Variants in NRXN3 observed in about 807,000 individuals in gnomAD.
NRXN3 encodes the protein neurexin III.
A neutral mutation model predicts 137.6 loss-of-function variants in NRXN3; 32 were observed. The observed-to-expected ratio is 0.23, with a 90% CI of 0.18 to 0.31. The LOEUF is 0.31. Among genes scored for constraint, NRXN3 ranks in the 10% least tolerant of loss-of-function variants. The pLI, the probability that NRXN3 is intolerant of heterozygous loss-of-function variation, is 1.00. For synonymous variants in NRXN3, 798 were observed against 784.5 expected (o/e 1.02, Z -0.29); for missense variants, 1,574 against 2,062.5 (o/e 0.76, Z 4.59).
At chr14:79,780,690 A>G (rs1190115505) in intron 19 of NRXN3, among the ~76,000 whole-genome samples, 4 of 152,228 alleles carry the variant, frequency 2.6e-5, no homozygotes, top group Non-Finnish European at 5.9e-5. Flanking sequence ...TAAAAGATGA[A>G]AAGTTCCATA....
At chr14:78,528,264 G>A (rs1367502650) in intron 4 of NRXN3, among the ~76,000 whole-genome samples, 3 of 152,288 alleles carry the variant, frequency 2.0e-5, no homozygotes, top group East Asian at 3.9e-4. Flanking sequence ...CAAAGGAGGT[G>A]ATTGATTTTC....
intron 10 of NRXN3, among the ~76,000 whole-genome samples, chr14:78,942,715 C>T (rs1377801932): frequency 6.6e-6 from 1 of 152,036 alleles, no homozygotes; most frequent in Non-Finnish European, 1.5e-5. Context: ...CAGAGAGCTG[C>T]AGGATACAAC....
chr14:79,706,082 A>T (rs957080558), intron 19 of NRXN3, among the ~76,000 whole-genome samples: 3 of 152,126 alleles, frequency 2.0e-5, no homozygotes, highest in African/African-American at 7.2e-5. Flanking sequence ...CCACTCCCTC[A>T]TGAGGCTCAC....
intron 6 of NRXN3, among the ~76,000 whole-genome samples, chr14:78,681,794 T>A (rs894632103): frequency 6.6e-6 from 1 of 152,188 alleles, no homozygotes; most frequent in African/African-American, 2.4e-5. Context: ...GAAGCCACTC[T>A]GGGGAAAAGA....
At chr14:79,260,714 T>A (rs1275806279) in intron 15 of NRXN3, among the ~76,000 whole-genome samples, 1 of 152,174 alleles carries the variant, frequency 6.6e-6, no homozygotes, top group Non-Finnish European at 1.5e-5. Context: ...AAGGGTTGTA[T>A]TCTCAATGTT....
intron 4 of NRXN3, among the ~76,000 whole-genome samples, chr14:78,561,864 T>C (rs992139286): frequency 2.3e-4 from 35 of 152,254 alleles, no homozygotes; most frequent in African/African-American, 8.0e-4. Context: ...TGACTCATTA[T>C]AAGCCTCATG....
intron 15 of NRXN3, among the ~76,000 whole-genome samples, chr14:79,157,921 G>GA (rs905076912): frequency 2.6e-5 from 4 of 151,792 alleles, no homozygotes; most frequent in Non-Finnish European, 1.5e-5. Context: ...ATTGCCATTT[G>GA]AAAATTGACT....
chr14:78,907,899 T>G (rs565894067), intron 10 of NRXN3, among the ~76,000 whole-genome samples: 3 of 152,110 alleles, frequency 2.0e-5, no homozygotes, highest in Non-Finnish European at 4.4e-5. Context: ...GGTATTTGGT[T>G]TTCTGTTCCT....
intron 15 of NRXN3, among the ~76,000 whole-genome samples, chr14:79,141,894 T>G (rs1354051369): frequency 6.6e-6 from 1 of 152,214 alleles, no homozygotes; most frequent in Non-Finnish European, 1.5e-5. Context: ...TTAAGTGCAA[T>G]TTTATGAAAA....
At chr14:78,918,754 A>G (rs2099263456) in intron 10 of NRXN3, among the ~76,000 whole-genome samples, 1 of 152,184 alleles carries the variant, frequency 6.6e-6, no homozygotes, top group South Asian at 2.1e-4. Context: ...GTAGGTACAC[A>G]AATATTTACT....
intron 4 of NRXN3, among the ~76,000 whole-genome samples, chr14:78,501,966 G>C (rs1599555532): frequency 6.6e-6 from 1 of 152,240 alleles, no homozygotes; most frequent in East Asian, 1.9e-4. Flanking sequence ...TTCTACTGCA[G>C]ACCCTGGATC....
chr14:78,864,151 G>A (rs2099080408), intron 10 of NRXN3, among the ~76,000 whole-genome samples: 1 of 151,948 alleles, frequency 6.6e-6, no homozygotes, highest in Non-Finnish European at 1.5e-5. Flanking sequence ...CAATGATTAG[G>A]GCAAAAGTTT....
In NRXN3 at chr14:79,426,107, G is replaced by A. The variant is rs1487626148; in HGVS notation, c.3263-41114G>A. On this transcript the variant is annotated intron_variant, in intron 15 of 20. Coordinates refer to ENST00000335750, the MANE Select transcript of NRXN3 (RefSeq NM_001330195.2). ...ACTGGGAACCAATCTCAACCTGGCA[G>A]GAGAGGCATAATTAACCAGTGTCTA... 3.3e-5 allele frequency among the ~76,000 whole-genome samples: 5 copies of A among 152,118 alleles called. No homozygotes were observed. In the East Asian group the frequency reaches 9.6e-4, roughly 29 times the overall value.
chr14:79,367,243 A>G (rs954501855), intron 15 of NRXN3, among the ~76,000 whole-genome samples: 2 of 152,162 alleles, frequency 1.3e-5, no homozygotes, highest in Non-Finnish European at 2.9e-5. Context: ...TCAGCCTCCA[A>G]AAGTGCTGGG....
At chr14:79,075,782 C>G (rs1376202880) in intron 15 of NRXN3, among the ~76,000 whole-genome samples, 1 of 152,142 alleles carries the variant, frequency 6.6e-6, no homozygotes, top group Non-Finnish European at 1.5e-5. Context: ...TTACAAAGAG[C>G]CATTCTTGGC....
intron 19 of NRXN3, among the ~76,000 whole-genome samples, chr14:79,717,898 C>G (rs1264089386): frequency 6.6e-6 from 1 of 152,156 alleles, no homozygotes; most frequent in Admixed American, 6.5e-5. Context: ...GCATTCATTC[C>G]ACAAACATTT....
At chr14:78,963,732 G>C (rs1362392195) in intron 11 of NRXN3, among the ~76,000 whole-genome samples, 1 of 152,086 alleles carries the variant, frequency 6.6e-6, no homozygotes, top group Non-Finnish European at 1.5e-5. Flanking sequence ...TCAAAACACT[G>C]CATAGAAGCT....
intron 16 of NRXN3, among the ~76,000 whole-genome samples, chr14:79,597,080 C>T (rs2097865396): frequency 6.6e-6 from 1 of 152,144 alleles, no homozygotes; most frequent in East Asian, 1.9e-4. Context: ...TTTTTATACT[C>T]TGTGCAGCTT....
chr14:79,067,251 A>T (rs1391616451), intron 15 of NRXN3, among the ~76,000 whole-genome samples: 3 of 152,128 alleles, frequency 2.0e-5, no homozygotes, highest in African/African-American at 7.2e-5. Flanking sequence ...AGTTCTGTTA[A>T]TATGATGTAT....
Sources: gnomAD v4.1 joint callset for allele counts (sites outside exome capture counted in the v4.1 genomes callset) on GRCh38, gnomAD v4.1.1 for gene constraint, MANE v1.5 for transcripts, NCBI Gene and HGNC (gene_info 2026-07-23, HGNC 2026-07-21) for gene names.